Variants in NT5DC3 observed in about 807,000 individuals in gnomAD.
NT5DC3 encodes the protein 5'-nucleotidase domain-containing protein 3.
NT5DC3 carries 42 observed loss-of-function variants against 67.8 expected under a neutral mutation model. The ratio of observed to expected loss-of-function variants is 0.62; its 90% CI spans 0.48 to 0.80. NT5DC3 has a LOEUF of 0.80. Ranked by LOEUF, NT5DC3 falls within the 30% of genes least tolerant of loss-of-function variation. The probability of loss-of-function intolerance (pLI) is 0.00; values close to 1 mark genes in which losing one functional copy is unlikely to be tolerated. For synonymous variants in NT5DC3, 237 were observed against 255.6 expected, an observed-to-expected ratio of 0.93 and a Z score of 0.69; for missense variants, 570 against 696.4, an observed-to-expected ratio of 0.82 and a Z score of 2.04.
the NT5DC3 span, chr12:103,762,139 A>G: frequency 2.4e-6 from 3 of 1,234,172 alleles, no homozygotes; most frequent in Non-Finnish European, 3.4e-6. Flanking sequence ...CCTGGCAGTA[A>G]TAAGGGCCAG....
At chr12:103,815,350 T>C (rs1480717003) in intron 1 of NT5DC3, among the ~76,000 whole-genome samples, 1 of 152,174 alleles carries the variant, frequency 6.6e-6, no homozygotes, top group Non-Finnish European at 1.5e-5. Flanking sequence ...CATGGTTGCC[T>C]AGGACCGCTC....
chr12:103,834,483 A>G (rs989710992), intron 1 of NT5DC3, among the ~76,000 whole-genome samples: 1 of 152,234 alleles, frequency 6.6e-6, no homozygotes, highest in South Asian at 2.1e-4. Flanking sequence ...AACTAAATGT[A>G]GTGTGCTATC....
chr12:103,804,245 C>A (rs1395254142), intron 4 of NT5DC3, among the ~76,000 whole-genome samples: 1 of 152,170 alleles, frequency 6.6e-6, no homozygotes, highest in Admixed American at 6.5e-5. Flanking sequence ...GCAAAGACAT[C>A]AATAGACAAG....
chr12:103,767,432 A>T (rs908689359), downstream of NT5DC3, among the ~76,000 whole-genome samples: 2 of 152,112 alleles, frequency 1.3e-5, no homozygotes, highest in South Asian at 2.1e-4. Flanking sequence ...GCTAATGGGT[A>T]TGGGGTTTCT....
At chr12:103,793,577 C>G (rs1425323388) in intron 7 of NT5DC3, 65 bp from the exon 8 acceptor site, 1 of 1,190,134 alleles carries the variant, frequency 8.4e-7, no homozygotes, top group East Asian at 2.4e-5. Flanking sequence ...CAAGTACTTT[C>G]TAAATGGGGG....
the NT5DC3 span, chr12:103,753,333 C>T: frequency 6.2e-7 from 1 of 1,614,246 alleles, no homozygotes; most frequent in Non-Finnish European, 8.5e-7. Flanking sequence ...AACCTACAAC[C>T]AGCTCTCCTA....
In NT5DC3 at chr12:103,803,371, C is replaced by T. The variant is rs190811792; in HGVS notation, c.524+2951G>A. Among the ~76,000 whole-genome samples the T allele has an allele frequency of 4.6e-4, 70 of 152,268 alleles. 1 individual carries two copies. In the East Asian group the frequency reaches 0.013, roughly 29 times the overall value. On this transcript the variant is annotated intron_variant, in intron 4 of 13. Transcript: ENST00000392876. ...CAAAAGCCTTAAAATGAATGAACAA[C>T]ATTCACCTGGCAATTTCACTTATCC...
chr12:103,777,666 T>C lies in NT5DC3; in HGVS notation c.*163A>G. ...AAGGCTGGAGGGGTGGGCTGCTAGC[T>C]CCTGTCTTAACCATTGGGAGAATTA... On this transcript the variant is annotated 3_prime_UTR_variant, in exon 14 of 14. Transcript: ENST00000392876. 1 of 801,836 alleles carries C rather than the reference T, an allele frequency of 1.2e-6. No individual in the cohort carries two copies. Among genetic ancestry groups the C allele is most frequent in the South Asian group, 1.9e-5 (1 of 52,544 alleles). 49.7% of individuals were successfully genotyped at this position (801,836 alleles called of 1,614,324 possible).
At chr12:103,834,025 G>A (rs2139480941) in intron 1 of NT5DC3, among the ~76,000 whole-genome samples, 1 of 152,196 alleles carries the variant, frequency 6.6e-6, no homozygotes, top group Middle Eastern at 3.4e-3. Context: ...ATAATTCTTT[G>A]TTGTGGGATA....
chr12:103,766,836 T>A (rs1884995686), downstream of NT5DC3: 1 of 155,370 alleles, frequency 6.4e-6, no homozygotes, highest in African/African-American at 2.4e-5. Flanking sequence ...TATAAATTCT[T>A]CTGAATTTGG....
chr12:103,817,347 A>G (rs79548683), intron 1 of NT5DC3, among the ~76,000 whole-genome samples: 2,030 of 152,350 alleles, frequency 0.013, 47 homozygotes, highest in African/African-American at 0.047. Context: ...CTATTTTGCT[A>G]AAATTATATA....
Position 103,772,957 on chromosome 12 carries a change from A to T in NT5DC3, c.*4872T>A, listed in dbSNP as rs553115737. ...TGAGCTCAGCACCCAGCACTAGCAC[A>T]ATTACAAACTAATGCAATGAGAGGT... On this transcript the variant is annotated 3_prime_UTR_variant, in exon 14 of 14. Transcript: ENST00000392876. The T allele has an allele frequency of 6.6e-6, 1 of 152,340 alleles. No individual in the cohort carries two copies. Among genetic ancestry groups the T allele is most frequent in the African/African-American group, 2.4e-5 (1 of 41,548 alleles). The allele number at this position is 152,340 out of a possible 1,614,324, so 9.4% of individuals were successfully genotyped here.
chr12:103,808,341 A>G (rs1566116424), intron 2 of NT5DC3, among the ~76,000 whole-genome samples: 1 of 152,196 alleles, frequency 6.6e-6, no homozygotes, highest in African/African-American at 2.4e-5. Flanking sequence ...TGCAGGACAG[A>G]ACATCTATTC....
At chr12:103,840,398 CTCA>C (rs1398539841) in intron 1 of NT5DC3, among the ~76,000 whole-genome samples, 1 of 148,176 alleles carries the variant, frequency 6.7e-6, no homozygotes, top group African/African-American at 2.5e-5. Flanking sequence ...CTCATCTCAT[CTCA>C]TCTCATCTCA....
chr12:103,799,994 C>T (rs994081915), intron 4 of NT5DC3, among the ~76,000 whole-genome samples: 2 of 152,048 alleles, frequency 1.3e-5, no homozygotes, highest in Admixed American at 6.5e-5. Flanking sequence ...CCAATGATTA[C>T]GAAACAACAG....
rs538084256 is a variant in NT5DC3, at chr12:103,839,713, A to G, written c.208+1236T>C. Among the ~76,000 whole-genome samples, 4 of 152,252 alleles carry G rather than the reference A, an allele frequency of 2.6e-5. No individual in the cohort carries two copies. In the South Asian group the frequency reaches 6.2e-4, roughly 24 times the overall value. Reference sequence around the variant, plus strand: ...CCAAAGCCAGTCTTCTTTCCACCATACCACACAACAGCTTCAAAAGCCAAA... The same window carrying G: ...CCAAAGCCAGTCTTCTTTCCACCATGCCACACAACAGCTTCAAAAGCCAAA... On this transcript the variant is annotated intron_variant, in intron 1 of 13. Transcript: ENST00000392876.
chr12:103,840,422 T>A (rs574640177), intron 1 of NT5DC3, among the ~76,000 whole-genome samples: 25 of 125,616 alleles, frequency 2.0e-4, no homozygotes, highest in South Asian at 2.8e-4. Flanking sequence ...TCTCATCTCA[T>A]TCCATCCCAT....
rs1252875832 is a variant in NT5DC3, at chr12:103,806,518, G to A, written c.469-141C>T. ...CACACTGTATATTCCTGAAAGGGTT[G>A]CTTGTTAATTAATGTGCTGTACAGC... On this transcript the variant is annotated intron_variant, in intron 3 of 13. Coordinates refer to ENST00000392876, the MANE Select transcript of NT5DC3 (RefSeq NM_001031701.3). The A allele has an allele frequency of 1.2e-5, 8 of 667,698 alleles. No individual in the cohort carries two copies. The East Asian group carries it at 2.2e-4, about 18-fold the overall frequency. 41.4% of individuals were successfully genotyped at this position (667,698 alleles called of 1,614,324 possible).
the NT5DC3 span, chr12:103,757,988 G>C: frequency 1.2e-6 from 1 of 833,000 alleles, no homozygotes; most frequent in South Asian, 1.8e-5. Context: ...GATTCACTGA[G>C]GAAAGGAAAA....
Sources: allele counts gnomAD v4.1 joint callset (sites outside exome capture counted in the v4.1 genomes callset), GRCh38; gene constraint gnomAD v4.1.1; transcripts MANE v1.5; gene names NCBI Gene and HGNC (gene_info 2026-07-23, HGNC 2026-07-21).